The following ABTB3 variants were observed in gnomAD, a reference collection of about 807,000 sequenced individuals.
ABTB3 encodes ankyrin repeat- and BTB/POZ domain-containing protein 3.
chr12:107,502,136 C>T, the ABTB3 span, among the ~76,000 whole-genome samples: 1 of 151,658 alleles, frequency 6.6e-6, no homozygotes, highest in South Asian at 2.1e-4. Context: ...ACGATCTCAG[C>T]TCACTGCAAC....
At chr12:107,532,349 C>T in the ABTB3 span, among the ~76,000 whole-genome samples, 3 of 152,218 alleles carry the variant, frequency 2.0e-5, no homozygotes, top group African/African-American at 7.2e-5. Context: ...ATCCAGCATC[C>T]TTGTCCCCAG....
chr12:107,642,173 T>G, the ABTB3 span: 1 of 1,613,750 alleles, frequency 6.2e-7, no homozygotes, highest in South Asian at 1.1e-5. Flanking sequence ...ATCTTTCAGG[T>G]GAGCCCCTGG....
the ABTB3 span, among the ~76,000 whole-genome samples, chr12:107,408,902 A>G: frequency 6.6e-6 from 1 of 152,252 alleles, no homozygotes; most frequent in Non-Finnish European, 1.5e-5. Flanking sequence ...AGCAAGACCC[A>G]GGATCCTGTT....
At chr12:107,407,438 G>A in the ABTB3 span, among the ~76,000 whole-genome samples, 11 of 152,320 alleles carry the variant, frequency 7.2e-5, no homozygotes, top group East Asian at 2.1e-3. Flanking sequence ...GATCCAAGAA[G>A]GCTTGGCCCC....
the ABTB3 span, among the ~76,000 whole-genome samples, chr12:107,434,400 G>GC: frequency 6.6e-6 from 1 of 152,244 alleles, no homozygotes; most frequent in Non-Finnish European, 1.5e-5. Context: ...GACACCCACA[G>GC]CGTCTGCTAC....
the ABTB3 span, chr12:107,520,664 C>T: frequency 6.8e-6 from 11 of 1,612,698 alleles, no homozygotes; most frequent in East Asian, 4.5e-5. Flanking sequence ...CTCCAGCTCT[C>T]ATGCCTCAAG....
the ABTB3 span, among the ~76,000 whole-genome samples, chr12:107,470,570 C>T: frequency 6.6e-6 from 1 of 152,332 alleles, no homozygotes; most frequent in African/African-American, 2.4e-5. Flanking sequence ...GCCACAGGAA[C>T]CAGCATGGAC....
chr12:107,536,855 G>A, the ABTB3 span, among the ~76,000 whole-genome samples: 202 of 152,306 alleles, frequency 1.3e-3, 1 homozygote, highest in African/African-American at 4.5e-3. Flanking sequence ...ACTGCCATAT[G>A]ATCCAACAAT....
chr12:107,331,274 C>T, the ABTB3 span, among the ~76,000 whole-genome samples: 2 of 152,196 alleles, frequency 1.3e-5, no homozygotes, highest in Non-Finnish European at 2.9e-5. Context: ...AGGGGCTGGG[C>T]TCACCCTCGT....
chr12:107,501,806 G>A, the ABTB3 span, among the ~76,000 whole-genome samples: 1 of 152,148 alleles, frequency 6.6e-6, no homozygotes, highest in Non-Finnish European at 1.5e-5. Flanking sequence ...AGCGTCCATA[G>A]GTGGGGAAAC....
the ABTB3 span, among the ~76,000 whole-genome samples, chr12:107,387,431 T>C: frequency 6.6e-6 from 1 of 152,218 alleles, no homozygotes; most frequent in Non-Finnish European, 1.5e-5. Context: ...GAGGGACTGC[T>C]ATGTGTCAAG....
the ABTB3 span, among the ~76,000 whole-genome samples, chr12:107,453,668 T>C: frequency 1.3e-5 from 2 of 152,158 alleles, no homozygotes; most frequent in African/African-American, 4.8e-5. Context: ...AAGGGAGTAA[T>C]GTGATCACAT....
the ABTB3 span, chr12:107,580,888 C>A: frequency 1.9e-6 from 3 of 1,551,046 alleles, 1 homozygote; most frequent in South Asian, 3.6e-5. Flanking sequence ...TTCCTAGTCA[C>A]ATTATCCCCA....
chr12:107,569,295 T>G, the ABTB3 span, among the ~76,000 whole-genome samples: 1 of 152,218 alleles, frequency 6.6e-6, no homozygotes. Flanking sequence ...TCTGTTAATT[T>G]TAAGTTTAAA....
chr12:107,469,119 C>T, the ABTB3 span, among the ~76,000 whole-genome samples: 1 of 152,154 alleles, frequency 6.6e-6, no homozygotes, highest in Admixed American at 6.5e-5. Flanking sequence ...AAACACAGAC[C>T]CCGGCATGAG....
chr12:107,388,232 A>C, the ABTB3 span, among the ~76,000 whole-genome samples: 1 of 151,796 alleles, frequency 6.6e-6, no homozygotes, highest in Non-Finnish European at 1.5e-5. Context: ...TCAGACTCCC[A>C]AAGTGCTGGG....
chr12:107,550,583 C>CTTTCT, the ABTB3 span, among the ~76,000 whole-genome samples: 2 of 135,252 alleles, frequency 1.5e-5, no homozygotes, highest in Admixed American at 7.4e-5. Context: ...TTCTTTCTTT[C>CTTTCT]TTTTTTTTTT....
the ABTB3 span, among the ~76,000 whole-genome samples, chr12:107,641,486 A>C: frequency 6.6e-6 from 1 of 152,226 alleles, no homozygotes; most frequent in African/African-American, 2.4e-5. Flanking sequence ...AACATTATCC[A>C]TGTGTTCCAT....
the ABTB3 span, among the ~76,000 whole-genome samples, chr12:107,387,963 C>T: frequency 1.5e-4 from 21 of 141,524 alleles, no homozygotes; most frequent in Non-Finnish European, 2.8e-4. Flanking sequence ...TCTTCTTCTT[C>T]TTCTTCTTCT....
Sources: gnomAD v4.1 joint callset for allele counts (sites outside exome capture counted in the v4.1 genomes callset) on GRCh38, gnomAD v4.1.1 for gene constraint, MANE v1.5 for transcripts, NCBI Gene and HGNC (gene_info 2026-07-23, HGNC 2026-07-21) for gene names.